The following OXSM variants were observed in gnomAD, a reference collection of about 807,000 sequenced individuals.
The protein encoded by OXSM is 3-oxoacyl-[acyl-carrier-protein] synthase, mitochondrial.
In OXSM, 19 loss-of-function variants were observed where a neutral mutation model predicts 29.2. The ratio of observed to expected loss-of-function variants is 0.65; its 90% CI spans 0.45 to 0.96. OXSM has a LOEUF of 0.96. Ranked by LOEUF, OXSM falls within the 40% of genes least tolerant of loss-of-function variation. The pLI, the probability that OXSM is intolerant of heterozygous loss-of-function variation, is 0.00. For synonymous variants in OXSM, 178 were observed against 197.1 expected (o/e 0.90, Z 0.81); for missense variants, 554 against 551.3 (o/e 1.00, Z -0.05).
At position 25,794,322 on chromosome 3, in the gene OXSM, A is replaced by G; in HGVS notation, c.1208A>G (p.Tyr403Cys). 1.2e-6 allele frequency: 2 copies of G among 1,614,230 alleles called. No individual in the cohort carries two copies. The highest frequency in any genetic ancestry group is 8.5e-7 in the Non-Finnish European group (1 of 1,180,036). ...VEAAFTTLAC[Y>C]YQKLPPTLNL... ...GCAGCTTTTACCACATTAGCTTGTT[A>G]TTATCAAAAACTACCACCTACTTTA... The change falls in exon 3 of 3, where the codon TAT (tyrosine) becomes TGT (cysteine). Residue 403 changes from tyrosine (Y) to cysteine (C), a missense_variant. Physicochemically the swap from Tyr to Cys is radical, Grantham distance 194. Transcript: ENST00000280701.
intron 1 of OXSM, 58 bp from the exon 2 acceptor site, chr3:25,790,930 TCC>T: frequency 7.7e-7 from 1 of 1,290,606 alleles, no homozygotes; most frequent in Non-Finnish European, 1.1e-6. Flanking sequence ...TGGATGTTTT[TCC>T]TTAGGCCCTT....
Position 25,791,970 on chromosome 3 carries a change from CT to C in OXSM, c.951del (p.Asp318IlefsTer8). On this transcript the variant is annotated frameshift_variant, in exon 2 of 3. Transcript: ENST00000280701. LOFTEE classifies it high-confidence loss of function. ...LSGDAGHITA[P>X]DPEGEGALRC... ...GGTGATGCTGGTCACATAACTGCCC[CT>C]GATCCTGAAGGAGAAGGTGCCTTAA... The C allele has an allele frequency of 6.3e-7, 1 of 1,599,016 alleles. No homozygotes were observed. The highest frequency in any genetic ancestry group is 8.5e-7 in the Non-Finnish European group (1 of 1,179,182).
chr3:25,792,638 A>G (rs748381081), intron 2 of OXSM, among the ~76,000 whole-genome samples: 45 of 151,988 alleles, frequency 3.0e-4, no homozygotes, highest in Non-Finnish European at 5.4e-4. Flanking sequence ...CACTGAGACC[A>G]GTTTTCTTTT....
chr3:25,792,055 T>C, intron 2 of OXSM, 58 bp downstream of exon 2: 1 of 1,472,680 alleles, frequency 6.8e-7, no homozygotes, highest in East Asian at 2.3e-5. Flanking sequence ...TTATTGGGAA[T>C]CCCAAATTAG....
At position 25,791,472 on chromosome 3, in the gene OXSM, G is replaced by A; in HGVS notation, c.452G>A (p.Gly151Asp). 1 of 1,614,180 alleles carries A rather than the reference G, an allele frequency of 6.2e-7. No individual in the cohort carries two copies. Among genetic ancestry groups the A allele is most frequent in the Non-Finnish European group, 8.5e-7 (1 of 1,180,030 alleles). ...ADQVATGVAIGMGMIPLEVVS... is the reference protein window; with the variant it reads ...ADQVATGVAIDMGMIPLEVVS... ...CAAGTGGCTACTGGTGTTGCAATTG[G>A]CATGGGAATGATTCCTCTTGAAGTT... The change falls in exon 2 of 3, where the codon GGC (glycine) becomes GAC (aspartate). Residue 151 changes from glycine to aspartate, a missense_variant. Physicochemically the swap from Gly to Asp is moderately conservative, Grantham distance 94. Transcript: ENST00000280701.
Position 25,794,421 on chromosome 3 carries a change from A to G in OXSM, c.1307A>G (p.Lys436Arg), listed in dbSNP as rs779658140. 2.5e-6 allele frequency: 4 copies of G among 1,614,096 alleles called. No individual in the cohort carries two copies. The Admixed American group carries it at 5.0e-5, about 20-fold the overall frequency. Residue 436 changes from lysine (K) to arginine (R), a missense_variant, in exon 3 of 3, where the codon AAA becomes AGA. Lys to Arg is a conservative substitution (Grantham distance 26). Transcript: ENST00000280701. ...AAGGCACAGGAATGGAAAACTGAGA[A>G]AAGATTTATTGGCCTCACCAATTCC... is the stretch of plus-strand genomic sequence containing the variant. The part of the protein sequence containing the change: ...PLKAQEWKTE[K>R]RFIGLTNSFG...
In OXSM at chr3:25,791,388, T is replaced by C. The variant is rs769783256; in HGVS notation, c.368T>C (p.Ile123Thr). The change falls in exon 2 of 3, where the codon ATT becomes ACT. Residue 123 changes from isoleucine to threonine, a missense_variant. Physicochemically the swap from Ile to Thr is moderately conservative, Grantham distance 89 (BLOSUM62 -1). Transcript: ENST00000280701. ...KSMSSPTIMA[I>T]GAAELAMKDS... ...ATGTCTTCTCCCACCATCATGGCCA[T>C]TGGGGCTGCAGAATTAGCCATGAAG... The C allele has an allele frequency of 9.9e-6, 16 of 1,614,048 alleles. No individual in the cohort carries two copies. The highest frequency in any genetic ancestry group is 3.3e-5 in the Admixed American group (2 of 59,996).
rs766556779 is a variant in OXSM at position 25,791,631 on chromosome 3, C to T, written c.611C>T (p.Ala204Val). The change falls in exon 2 of 3, where the codon GCA becomes GTA. Residue 204 changes from alanine to valine, a missense_variant. Coordinates refer to ENST00000280701, the MANE Select transcript of OXSM (RefSeq NM_017897.3). ...TATAAACTCAAGGGCCCAAATCATG[C>T]AGTATCCACAGCCTGTACCACAGGA... ...IRYKLKGPNH[A>V]VSTACTTGAH... 21 of 1,614,074 alleles carry T rather than the reference C, an allele frequency of 1.3e-5. 1 individual carries two copies. In the South Asian group the frequency reaches 2.2e-4, roughly 17 times the overall value.
chr3:25,790,314 T>A (rs1414473767), intron 1 of OXSM, among the ~76,000 whole-genome samples, 167 bp downstream of exon 1: 1 of 152,198 alleles, frequency 6.6e-6, no homozygotes, highest in African/African-American at 2.4e-5. Context: ...TGAGAGGCGA[T>A]ACAGGGAATG....
intron 1 of OXSM, chr3:25,790,544 G>A (rs1708716448): frequency 6.1e-6 from 1 of 163,666 alleles, no homozygotes; most frequent in Admixed American, 5.9e-5. Context: ...GTTTTGAAAA[G>A]GCTGGTTATC....
At position 25,791,283 on chromosome 3, in the gene OXSM, TTGC is replaced by T; in HGVS notation, c.268_270del (p.Ala90del). 1 of 1,614,226 alleles carries T rather than the reference TTGC, an allele frequency of 6.2e-7. No homozygotes were observed. Among genetic ancestry groups the T allele is most frequent in the Non-Finnish European group, 8.5e-7 (1 of 1,180,034 alleles). On this transcript the variant is annotated inframe_deletion, in exon 2 of 3. Coordinates refer to ENST00000280701, the MANE Select transcript of OXSM (RefSeq NM_017897.3). ...GAGTATAAGAGTATCCCTTGCAGTG[TTGC>T]TGCTTATGTGCCAAGAGGTAGTGAT...
At chr3:25,793,769 T>C (rs1330464031) in intron 2 of OXSM, among the ~76,000 whole-genome samples, 1 of 152,240 alleles carries the variant, frequency 6.6e-6, no homozygotes, top group Admixed American at 6.5e-5. Context: ...TGAGTCAACA[T>C]GGTATTTTTT....
At position 25,794,151 on chromosome 3, in the gene OXSM, A is replaced by G. The variant is rs373026284; in HGVS notation, c.1037A>G (p.Asn346Ser). The change falls in exon 3 of 3, where the codon AAT becomes AGT. Residue 346 changes from asparagine (N) to serine (S), a missense_variant. Coordinates refer to ENST00000280701, the MANE Select transcript of OXSM (RefSeq NM_017897.3). ...GVQPEEISYINAHATSTPLGD... is the reference protein window; with the variant it reads ...GVQPEEISYISAHATSTPLGD... ...CAGCCTGAGGAGATATCCTATATCA[A>G]TGCACATGCTACTTCCACACCATTG... 8.9e-5 allele frequency: 144 copies of G among 1,614,092 alleles called. No homozygotes were observed. Among genetic ancestry groups the G allele is most frequent in the Non-Finnish European group, 1.2e-4 (139 of 1,179,996 alleles).
chr3:25,791,088 A>G lies in OXSM; in HGVS notation c.68A>G (p.Gln23Arg). 2 of 1,614,150 alleles carry G rather than the reference A, an allele frequency of 1.2e-6. No individual in the cohort carries two copies. The highest frequency in any genetic ancestry group is 2.2e-5 in the South Asian group (2 of 91,086). Reference sequence around the variant, plus strand: ...CGTCTTCTATGTTCAAGATTATGCCAACAGTTAAGAAGTAAAAGGAAGTTT... The same window carrying G: ...CGTCTTCTATGTTCAAGATTATGCCGACAGTTAAGAAGTAAAAGGAAGTTT... ...STRLLCSRLC[Q>R]QLRSKRKFFG... Residue 23 changes from glutamine to arginine, a missense_variant, in exon 2 of 3, where the codon CAA becomes CGA. Transcript: ENST00000280701.
At position 25,791,137 on chromosome 3, in the gene OXSM, A is replaced by G; in HGVS notation, c.117A>G (p.Arg39=). The change falls in exon 2 of 3, where the codon AGA becomes AGG. Residue 39 remains arginine, a synonymous_variant. Coordinates refer to ENST00000280701, the MANE Select transcript of OXSM (RefSeq NM_017897.3). ...RKFFGTVPIS[R]LHRRVVITGI... ...TTTTCGGAACTGTGCCAATATCCAG[A>G]TTGCATAGGCGAGTTGTCATTACAG... 6.2e-7 allele frequency: 1 copy of G among 1,614,202 alleles called. No individual in the cohort carries two copies. The highest frequency in any genetic ancestry group is 8.5e-7 in the Non-Finnish European group (1 of 1,180,022).
intron 2 of OXSM, among the ~76,000 whole-genome samples, chr3:25,792,217 A>T (rs900214786): frequency 1.3e-5 from 2 of 152,210 alleles, no homozygotes; most frequent in African/African-American, 2.4e-5. Flanking sequence ...TTAAAAACCA[A>T]TGGAGTTGTG....
At position 25,794,072 on chromosome 3, in the gene OXSM, G is replaced by A. The variant is rs374929470; in HGVS notation, c.978-20G>A. On this transcript the variant is annotated intron_variant, in intron 2 of 2. Coordinates refer to ENST00000280701, the MANE Select transcript of OXSM (RefSeq NM_017897.3). ...AAAATTAAACTTAGTCCTGATAAATGTCTTTTCTTGTTTTATTAGGTGTAT... is the reference window on the plus strand; with the variant it reads ...AAAATTAAACTTAGTCCTGATAAATATCTTTTCTTGTTTTATTAGGTGTAT... The A allele has an allele frequency of 3.2e-6, 5 of 1,582,546 alleles. No individual in the cohort carries two copies. The highest frequency in any genetic ancestry group is 4.3e-6 in the Non-Finnish European group (5 of 1,166,750).
intron 1 of OXSM, 107 bp downstream of exon 1, chr3:25,790,254 C>A (rs745950189): frequency 2.6e-4 from 92 of 358,468 alleles, no homozygotes; most frequent in Non-Finnish European, 3.6e-4. Flanking sequence ...GGCCTGATTT[C>A]TTTTTCTCTC....
At position 25,793,996 on chromosome 3, in the gene OXSM, G is replaced by A; in HGVS notation, c.978-96G>A. On this transcript the variant is annotated intron_variant, in intron 2 of 2. Transcript: ENST00000280701. The stretch of plus-strand genomic sequence containing the variant: ...GGGATTCTTTTCATCCAGTGTACTT[G>A]GATACCTACATTTGTTTCACATAAG... The A allele has an allele frequency of 2.9e-6, 3 of 1,021,134 alleles. No individual in the cohort carries two copies. The South Asian group carries it at 5.0e-5, about 17-fold the overall frequency. The allele number at this position is 1,021,134 out of a possible 1,614,324, so 63.3% of individuals were successfully genotyped here.
Sources: gnomAD v4.1 joint callset for allele counts (sites outside exome capture counted in the v4.1 genomes callset) on GRCh38, gnomAD v4.1.1 for gene constraint, MANE v1.5 for transcripts, NCBI Gene and HGNC (gene_info 2026-07-23, HGNC 2026-07-21) for gene names.